The following ATP8A2 variants were observed in gnomAD, a reference collection of about 807,000 sequenced individuals.
ATP8A2 encodes the protein phospholipid-transporting ATPase IB.
In ATP8A2, 100 loss-of-function variants were observed where a neutral mutation model predicts 165.6. The observed-to-expected ratio is 0.60, with a 90% CI of 0.51 to 0.71. The LOEUF (loss-of-function observed/expected upper bound fraction) is 0.71. Ranked by LOEUF, ATP8A2 falls within the 30% of genes least tolerant of loss-of-function variation. The pLI is 0.00. For synonymous variants in ATP8A2, 543 were observed against 548.8 expected (o/e 0.99, Z 0.15); for missense variants, 1,227 against 1,479.5 (o/e 0.83, Z 2.80).
At chr13:25,786,274 G>A (rs761488907) in intron 27 of ATP8A2, among the ~76,000 whole-genome samples, 1 of 152,196 alleles carries the variant, frequency 6.6e-6, no homozygotes, top group Non-Finnish European at 1.5e-5. Flanking sequence ...TGTCCTAAGA[G>A]TTTAGAATGC....
chr13:25,399,824 CTTCTTCTCT>C (rs1285724181), intron 1 of ATP8A2, among the ~76,000 whole-genome samples: 6 of 150,638 alleles, frequency 4.0e-5, no homozygotes, highest in Admixed American at 2.0e-4. Flanking sequence ...TACTCTTCCT[CTTCTTCTCT>C]TTCTTCCCTT....
intron 25 of ATP8A2, among the ~76,000 whole-genome samples, chr13:25,715,427 C>T (rs2043236579): frequency 6.6e-6 from 1 of 152,192 alleles, no homozygotes; most frequent in African/African-American, 2.4e-5. Flanking sequence ...ATAACTATCA[C>T]TACTACATTC....
Position 25,917,194 on chromosome 13 carries a change from G to A in ATP8A2, c.3184-44381G>A, listed in dbSNP as rs77846531. On this transcript the variant is annotated intron_variant, in intron 33 of 36. Transcript: ENST00000381655. ...CATCCTCCAACCCAGGCCAGGGCAG[G>A]GATCTCTCCTGTCCTAGATATCTTC... Among the ~76,000 whole-genome samples, 1,389 of 152,246 alleles carry A rather than the reference G, an allele frequency of 9.1e-3. 29 individuals are homozygous for A. Among genetic ancestry groups the A allele is most frequent in the African/African-American group, 0.031 (1,301 of 41,544 alleles).
At chr13:25,624,262 A>G (rs1565990004) in intron 24 of ATP8A2, among the ~76,000 whole-genome samples, 1 of 152,122 alleles carries the variant, frequency 6.6e-6, no homozygotes, top group African/African-American at 2.4e-5. Flanking sequence ...GGCATTTATG[A>G]CTTTGGCAGA....
At chr13:25,910,235 T>C (rs1020006134) in intron 33 of ATP8A2, among the ~76,000 whole-genome samples, 3 of 152,190 alleles carry the variant, frequency 2.0e-5, no homozygotes, top group African/African-American at 7.2e-5. Flanking sequence ...ATTTTTGCTG[T>C]TTTCATAATG....
At chr13:25,886,236 A>G (rs1476411297) in intron 33 of ATP8A2, among the ~76,000 whole-genome samples, 2 of 152,200 alleles carry the variant, frequency 1.3e-5, no homozygotes, top group African/African-American at 4.8e-5. Flanking sequence ...TTAATAGGAC[A>G]CCTGTCCCTC....
chr13:25,580,798 C>T (rs2039754528), intron 22 of ATP8A2, among the ~76,000 whole-genome samples: 1 of 152,168 alleles, frequency 6.6e-6, no homozygotes, highest in African/African-American at 2.4e-5. Context: ...CTTCCCAAAT[C>T]CCAAAGTACT....
intron 1 of ATP8A2, 142 bp from the exon 2 acceptor site, chr13:25,468,835 G>A: frequency 2.2e-6 from 3 of 1,348,718 alleles, no homozygotes; most frequent in Non-Finnish European, 2.9e-6. Flanking sequence ...TCCAGGGGGA[G>A]CCAAGGTACG....
At chr13:25,544,060 G>A (rs746003729) in intron 10 of ATP8A2, among the ~76,000 whole-genome samples, 13 of 152,172 alleles carry the variant, frequency 8.5e-5, no homozygotes, top group Non-Finnish European at 1.5e-4. Context: ...CAGCTTGTCT[G>A]TTCTTTTGTA....
intron 33 of ATP8A2, among the ~76,000 whole-genome samples, chr13:25,939,862 C>T (rs1437470220): frequency 6.6e-6 from 1 of 152,220 alleles, no homozygotes; most frequent in African/African-American, 2.4e-5. Context: ...TTCTCCCAGG[C>T]TTCGCCTTTC....
At chr13:25,680,404 C>T (rs988122424) in intron 24 of ATP8A2, among the ~76,000 whole-genome samples, 1 of 152,160 alleles carries the variant, frequency 6.6e-6, no homozygotes, top group African/African-American at 2.4e-5. Context: ...AAAGATCCTT[C>T]CTACAGGTTT....
At chr13:26,012,673 G>T in intron 36 of ATP8A2, 51 bp downstream of exon 36, 1 of 1,296,364 alleles carries the variant, frequency 7.7e-7, no homozygotes, top group South Asian at 1.6e-5. Context: ...GGTGCGGGGC[G>T]GGGGTTGATG....
In ATP8A2 at chr13:25,992,591, T is replaced by C. The variant is rs188818216; in HGVS notation, c.3378-19940T>C. Among the ~76,000 whole-genome samples the C allele has an allele frequency of 2.0e-3, 298 of 152,288 alleles. 1 individual carries two copies. Among genetic ancestry groups the C allele is most frequent in the African/African-American group, 7.1e-3 (295 of 41,562 alleles). On this transcript the variant is annotated intron_variant, in intron 35 of 36. Transcript: ENST00000381655. ...CAAATATCAATTTTTCTTTGTGAAT[T>C]ATGCTTTTGGTGTCAAGTCTAAGAG...
intron 25 of ATP8A2, among the ~76,000 whole-genome samples, chr13:25,731,958 T>A (rs1363340842): frequency 6.6e-6 from 1 of 152,238 alleles, no homozygotes; most frequent in Non-Finnish European, 1.5e-5. Flanking sequence ...GAAATTAGAC[T>A]GCTTCCATAG....
In ATP8A2 at chr13:25,453,123, G is replaced by GTTTCT. The variant is rs919841355; in HGVS notation, c.77-15840_77-15836dup. ...AAACAAAAAATAGTGTTATATGAAC[G>GTTTCT]TTTCTTTTCTTTTCTTTTTGAAACG... On this transcript the variant is annotated intron_variant, in intron 1 of 36. Coordinates refer to ENST00000381655, the MANE Select transcript of ATP8A2 (RefSeq NM_016529.6). Among the ~76,000 whole-genome samples, 41 of 151,554 alleles carry GTTTCT rather than the reference G, an allele frequency of 2.7e-4. 1 individual carries two copies. The highest frequency in any genetic ancestry group is 2.1e-4 in the South Asian group (1 of 4,776).
intron 33 of ATP8A2, among the ~76,000 whole-genome samples, chr13:25,930,214 T>G (rs1000392126): frequency 3.9e-5 from 6 of 152,174 alleles, no homozygotes; most frequent in Non-Finnish European, 1.5e-5. Context: ...GGAATGATCT[T>G]TTAACAATGT....
intron 35 of ATP8A2, among the ~76,000 whole-genome samples, chr13:25,977,614 G>A (rs1013657624): frequency 6.6e-5 from 10 of 152,216 alleles, no homozygotes; most frequent in African/African-American, 2.4e-4. Flanking sequence ...TTTTAGGAAT[G>A]TTGAATTCCA....
At chr13:25,794,559 A>C (rs1332916475) in intron 27 of ATP8A2, among the ~76,000 whole-genome samples, 1 of 152,160 alleles carries the variant, frequency 6.6e-6, no homozygotes, top group African/African-American at 2.4e-5. Flanking sequence ...ACAAAGGAGC[A>C]CAAAGGGTTT....
chr13:25,739,360 A>G (rs1187144681), intron 25 of ATP8A2, among the ~76,000 whole-genome samples: 1 of 152,244 alleles, frequency 6.6e-6, no homozygotes, highest in Non-Finnish European at 1.5e-5. Flanking sequence ...TCTGTTCTCT[A>G]TCATTAAACT....
Sources: allele counts gnomAD v4.1 joint callset (sites outside exome capture counted in the v4.1 genomes callset), GRCh38; gene constraint gnomAD v4.1.1; transcripts MANE v1.5; gene names NCBI Gene and HGNC (gene_info 2026-07-23, HGNC 2026-07-21).